CPEB3: variants seen among roughly 807,000 people sequenced by gnomAD.
The protein encoded by CPEB3 is cytoplasmic polyadenylation element-binding protein 3.
CPEB3 carries 20 observed loss-of-function variants against 67.2 expected under a neutral mutation model. The observed-to-expected ratio is 0.30, with a 90% CI of 0.21 to 0.43. CPEB3 has a LOEUF of 0.43. Among genes scored for constraint, CPEB3 ranks in the 20% least tolerant of loss-of-function variants. The pLI, the probability that CPEB3 is intolerant of heterozygous loss-of-function variation, is 1.00. For missense variants in CPEB3, 746 were observed against 968.6 expected (o/e 0.77, Z 3.05); for synonymous variants, 376 against 393.1 (o/e 0.96, Z 0.51).
intron 1 of CPEB3, among the ~76,000 whole-genome samples, chr10:92,262,114 T>C (rs1390300957): frequency 6.6e-6 from 1 of 152,200 alleles, no homozygotes; most frequent in African/African-American, 2.4e-5. Flanking sequence ...GAAATAGATA[T>C]ATGCACCAAA....
intron 1 of CPEB3, among the ~76,000 whole-genome samples, chr10:92,249,252 G>A (rs1852192651): frequency 1.3e-5 from 2 of 152,040 alleles, no homozygotes. Context: ...GGTGGCACGT[G>A]CCTGTAGTCC....
At chr10:92,160,193 C>A (rs1436001185) in intron 4 of CPEB3, among the ~76,000 whole-genome samples, 1 of 152,168 alleles carries the variant, frequency 6.6e-6, no homozygotes, top group East Asian at 1.9e-4. Flanking sequence ...GTGATCCCCA[C>A]CTCGGCCTCC....
chr10:92,263,459 A>ATCG (rs1852900907), intron 1 of CPEB3, among the ~76,000 whole-genome samples: 1 of 152,210 alleles, frequency 6.6e-6, no homozygotes, highest in African/African-American at 2.4e-5. Context: ...TGTGGATGAG[A>ATCG]TCGTCCAGTG....
At chr10:92,163,705 C>T (rs1467287031) in intron 4 of CPEB3, among the ~76,000 whole-genome samples, 1 of 152,120 alleles carries the variant, frequency 6.6e-6, no homozygotes, top group Non-Finnish European at 1.5e-5. Context: ...ATATCTTTGA[C>T]TTATAATGGC....
chr10:92,092,274 T>C (rs1204328719), intron 7 of CPEB3, among the ~76,000 whole-genome samples: 1 of 152,164 alleles, frequency 6.6e-6, no homozygotes, highest in Non-Finnish European at 1.5e-5. Flanking sequence ...TAACACATGA[T>C]AGAGACTGTT....
chr10:92,062,113 C>T (rs1468355655), intron 9 of CPEB3, among the ~76,000 whole-genome samples: 3 of 151,522 alleles, frequency 2.0e-5, no homozygotes, highest in African/African-American at 4.9e-5. Context: ...GTGGTGGTGG[C>T]GCCTGTAATT....
chr10:92,093,907 T>A (rs893847040), intron 7 of CPEB3, among the ~76,000 whole-genome samples: 1 of 152,064 alleles, frequency 6.6e-6, no homozygotes, highest in Admixed American at 6.5e-5. Flanking sequence ...CAGGCTGGAG[T>A]ACAGTGGCAT....
chr10:92,098,806 C>T (rs1380448101), intron 7 of CPEB3, among the ~76,000 whole-genome samples: 10 of 129,036 alleles, frequency 7.7e-5, no homozygotes, highest in Admixed American at 4.5e-4. Context: ...GAGTCTGGCT[C>T]TGTCAAGCAG....
At chr10:92,251,872 G>A (rs1852315147) in intron 1 of CPEB3, among the ~76,000 whole-genome samples, 1 of 151,266 alleles carries the variant, frequency 6.6e-6, no homozygotes, top group South Asian at 2.1e-4. Context: ...ACCCAGGAGG[G>A]AGAGGTTGCA....
At chr10:92,229,033 A>T (rs72807264) in intron 2 of CPEB3, among the ~76,000 whole-genome samples, 28,950 of 150,012 alleles carry the variant, frequency 0.19, 3,553 homozygotes, top group Non-Finnish European at 0.28. Context: ...AAATATTTTA[A>T]TTTTTTTAGA....
Position 92,047,917 on chromosome 10 carries a change from T to C in CPEB3, c.*4295A>G, listed in dbSNP as rs1033689935. 6.6e-6 allele frequency: 1 copy of C among 152,204 alleles called. No homozygotes were observed. Among genetic ancestry groups the C allele is most frequent in the Non-Finnish European group, 1.5e-5 (1 of 68,042 alleles). 9.4% of individuals were successfully genotyped at this position (152,204 alleles called of 1,614,324 possible). On this transcript the variant is annotated 3_prime_UTR_variant, in exon 10 of 10. Transcript: ENST00000265997. The stretch of plus-strand genomic sequence containing the variant: ...TGTTTACGCAACACCAGTTTTGCAG[T>C]TGTAGTTTTTGCTTTGACTGTAGGT...
chr10:92,187,239 C>T (rs535634972), intron 3 of CPEB3, among the ~76,000 whole-genome samples: 20 of 152,184 alleles, frequency 1.3e-4, no homozygotes, highest in Non-Finnish European at 2.5e-4. Context: ...TTTTAAAGCA[C>T]TATTACTGAA....
At chr10:92,061,192 G>A (rs1270497876) in intron 9 of CPEB3, among the ~76,000 whole-genome samples, 1 of 152,166 alleles carries the variant, frequency 6.6e-6, no homozygotes, top group Non-Finnish European at 1.5e-5. Context: ...GCCAGGGCAA[G>A]TGGATCACCT....
At chr10:92,289,767 T>A (rs967284151) in intron 1 of CPEB3, among the ~76,000 whole-genome samples, 1 of 132,716 alleles carries the variant, frequency 7.5e-6, no homozygotes, top group Non-Finnish European at 1.6e-5. Flanking sequence ...ATGTATTATA[T>A]ATTATAAATG....
At chr10:92,077,125 A>AT (rs1382352301) in intron 9 of CPEB3, among the ~76,000 whole-genome samples, 1 of 152,096 alleles carries the variant, frequency 6.6e-6, no homozygotes, top group Non-Finnish European at 1.5e-5. Context: ...ATGGATGATC[A>AT]TTTTTTCTGA....
intron 6 of CPEB3, chr10:92,137,536 AG>A: frequency 1.2e-6 from 1 of 807,660 alleles, no homozygotes. Context: ...GAAGTTCATA[AG>A]GGACCCCATT....
chr10:92,215,230 G>A (rs1249055073), intron 2 of CPEB3, among the ~76,000 whole-genome samples: 3 of 149,866 alleles, frequency 2.0e-5, no homozygotes, highest in South Asian at 2.1e-4. Flanking sequence ...TCAGCTCACT[G>A]CAACTTCAAC....
rs1270786917 is a variant in CPEB3, at chr10:92,050,251, A to T, written c.*1961T>A. The T allele has an allele frequency of 6.6e-6, 1 of 152,614 alleles. No homozygotes were observed. The highest frequency in any genetic ancestry group is 1.5e-5 in the Non-Finnish European group (1 of 68,042). 9.5% of individuals were successfully genotyped at this position (152,614 alleles called of 1,614,324 possible). A position where few individuals can be genotyped will look rare whatever the true frequency, so the allele number is the denominator to read the frequency against. Reference sequence around the variant, plus strand: ...GCCTCAAAAAGGGGAGGATTCTAAAATAAGCATTTTTAATCCAGTAAAAAA... The same window carrying T: ...GCCTCAAAAAGGGGAGGATTCTAAATTAAGCATTTTTAATCCAGTAAAAAA... On this transcript the variant is annotated 3_prime_UTR_variant, in exon 10 of 10. Transcript: ENST00000265997.
intron 1 of CPEB3, among the ~76,000 whole-genome samples, chr10:92,240,618 G>A (rs182975115): frequency 6.6e-6 from 1 of 152,244 alleles, no homozygotes; most frequent in Non-Finnish European, 1.5e-5. Context: ...TTCTGTATTA[G>A]TGAGAGATGT....
Sources: allele counts gnomAD v4.1 joint callset (sites outside exome capture counted in the v4.1 genomes callset), GRCh38; gene constraint gnomAD v4.1.1; transcripts MANE v1.5; gene names NCBI Gene and HGNC (gene_info 2026-07-23, HGNC 2026-07-21).